The following VCP variants were observed in gnomAD, a reference collection of about 807,000 sequenced individuals.
VCP encodes the protein transitional endoplasmic reticulum ATPase.
VCP carries 6 observed loss-of-function variants against 85.7 expected under a neutral mutation model. The observed-to-expected ratio is 0.07, with a 90% confidence interval of 0.04 to 0.14. The LOEUF (loss-of-function observed/expected upper bound fraction) is 0.14, where lower values mean the gene tolerates loss of function less well. Ranked by LOEUF, VCP falls within the 10% of genes least tolerant of loss-of-function variation. The pLI is 1.00. For missense variants in VCP, 353 were observed against 1,043.4 expected, an observed-to-expected ratio of 0.34 and a Z score of 9.12; for synonymous variants, 384 against 367.1, an observed-to-expected ratio of 1.05 and a Z score of -0.53.
intron 1 of VCP, among the ~76,000 whole-genome samples, chr9:35,071,467 C>T (rs1042566517): frequency 6.6e-6 from 1 of 152,084 alleles, no homozygotes; most frequent in Admixed American, 6.5e-5. Context: ...GGAGTGCGCG[C>T]ACGTTTGTGT....
chr9:35,065,126 C>A, intron 5 of VCP, 125 bp downstream of exon 5: 1 of 1,439,670 alleles, frequency 6.9e-7, no homozygotes, highest in East Asian at 2.3e-5. Context: ...TCTCAGTCTC[C>A]CAAAGTACTG....
At chr9:35,062,831 T>C in intron 7 of VCP, 147 bp downstream of exon 7, 1 of 811,284 alleles carries the variant, frequency 1.2e-6, no homozygotes, top group South Asian at 1.4e-5. Flanking sequence ...ATTGCTCTTC[T>C]GTCTGTAACA....
intron 1 of VCP, chr9:35,071,987 A>C: frequency 9.1e-7 from 1 of 1,099,244 alleles, no homozygotes; most frequent in Admixed American, 5.5e-5. Flanking sequence ...TGGCGCCCCA[A>C]AGCCCCGGGG....
intron 15 of VCP, among the ~76,000 whole-genome samples, chr9:35,058,320 A>AG (rs1434035570): frequency 6.6e-6 from 1 of 152,246 alleles, no homozygotes; most frequent in Non-Finnish European, 1.5e-5. Flanking sequence ...GAATTAATTA[A>AG]GGGTAACACA....
chr9:35,061,501 C>T, intron 10 of VCP, 76 bp downstream of exon 10: 5 of 1,371,416 alleles, frequency 3.6e-6, no homozygotes, highest in Non-Finnish European at 5.2e-6. Flanking sequence ...CACATCTTAA[C>T]CTTATGTCTC....
At chr9:35,071,941 A>G in intron 1 of VCP, 1 of 1,045,100 alleles carries the variant, frequency 9.6e-7, no homozygotes, top group South Asian at 3.1e-5. Context: ...TCCGGGGACC[A>G]AAGGCTTTCG....
intron 15 of VCP, among the ~76,000 whole-genome samples, chr9:35,058,682 G>A (rs560211269): frequency 5.9e-5 from 9 of 152,224 alleles, no homozygotes; most frequent in African/African-American, 1.4e-4. Context: ...CAGGAGAATC[G>A]CTTGAACCTG....
Position 35,064,369 on chromosome 9 carries a change from T to C in VCP, c.577-84A>G, listed in dbSNP as rs1448987254. ...AGTTTCTCTAAATCATTCCACTACC[T>C]AGTGTGCAAAAACCTACCGTATAAG... is the stretch of plus-strand genomic sequence containing the variant. On this transcript the variant is annotated intron_variant, in intron 5 of 16. Coordinates refer to ENST00000358901, the MANE Select transcript of VCP (RefSeq NM_007126.5). 5 of 1,575,396 alleles carry C rather than the reference T, an allele frequency of 3.2e-6. No homozygotes were observed. The African/African-American group carries it at 4.0e-5, about 13-fold the overall frequency.
intron 13 of VCP, 123 bp downstream of exon 13, chr9:35,060,190 C>G: frequency 9.6e-7 from 1 of 1,044,016 alleles, no homozygotes; most frequent in Non-Finnish European, 1.4e-6. Context: ...GAAAGAAAAT[C>G]AAGTGACTTA....
intron 1 of VCP, chr9:35,071,996 G>C (rs1291482796): frequency 6.2e-6 from 7 of 1,120,512 alleles, no homozygotes; most frequent in Non-Finnish European, 7.7e-6. Context: ...AAAGCCCCGG[G>C]GCGCCGCGCC....
At chr9:35,065,226 T>C (rs556148771) in intron 5 of VCP, 25 bp downstream of exon 5, 33 of 1,613,980 alleles carry the variant, frequency 2.0e-5, no homozygotes, top group Middle Eastern at 1.7e-4. Context: ...TAAAATCGGA[T>C]ACTGGAATCA....
At chr9:35,068,149 CCA>C in intron 2 of VCP, 86 bp from the exon 3 acceptor site, 1 of 1,607,142 alleles carries the variant, frequency 6.2e-7, no homozygotes, top group Non-Finnish European at 8.5e-7. Flanking sequence ...CCAGTAAACC[CCA>C]CTCTATCTGC....
intron 6 of VCP, among the ~76,000 whole-genome samples, chr9:35,063,518 T>A (rs1828768144): frequency 6.6e-6 from 1 of 152,196 alleles, no homozygotes; most frequent in Non-Finnish European, 1.5e-5. Context: ...TTTATCACAC[T>A]GGAATGCTGT....
chr9:35,061,436 G>A, intron 10 of VCP, 141 bp downstream of exon 10: 1 of 949,690 alleles, frequency 1.1e-6, no homozygotes, highest in Non-Finnish European at 1.7e-6. Flanking sequence ...CCATTTCCTG[G>A]ATTCAATCTC....
At position 35,062,013 on chromosome 9, in the gene VCP, T is replaced by C. The variant is rs1828736572; in HGVS notation, c.1071A>G (p.Leu357=). ...TNRPNSIDPA[L]RRFGRFDREV... is the part of the protein sequence containing the mutation. ...ATCTGGAGTCCTTACCAAATCGCCG[T>C]AGAGCTGGGTCAATGCTGTTGGGTC... The change falls in exon 9 of 17, where the codon CTA becomes CTG. Residue 357 remains leucine (L), a synonymous_variant. Coordinates refer to ENST00000358901, the MANE Select transcript of VCP (RefSeq NM_007126.5). 3 of 1,614,088 alleles carry C rather than the reference T, an allele frequency of 1.9e-6. No homozygotes were observed. The highest frequency in any genetic ancestry group is 1.3e-5 in the African/African-American group (1 of 74,928).
rs1828633721 is a variant in VCP at position 35,057,489 on chromosome 9, A to G, written c.2202T>C (p.Asp734=). The G allele has an allele frequency of 1.2e-6, 2 of 1,613,234 alleles. No individual in the cohort carries two copies. Among genetic ancestry groups the G allele is most frequent in the African/African-American group, 2.7e-5 (2 of 74,948 alleles). ...EDDPVPEIRR[D]HFEEAMRFAR... The stretch of plus-strand genomic sequence containing the variant: ...CAAAGCGCATGGCTTCTTCAAAGTG[A>G]TCTCGACGGATCTCAGGCACTGGAT... Residue 734 remains aspartate (D), a synonymous_variant, in exon 16 of 17, where the codon GAT becomes GAC. Coordinates refer to ENST00000358901, the MANE Select transcript of VCP (RefSeq NM_007126.5).
In VCP at chr9:35,059,372, A is replaced by T. The variant is rs1828676361; in HGVS notation, c.2004+121T>A. 1.3e-6 allele frequency: 2 copies of T among 1,531,242 alleles called. No homozygotes were observed. The highest frequency in any genetic ancestry group is 2.7e-5 in the African/African-American group (2 of 72,916). 94.9% of individuals were successfully genotyped at this position (1,531,242 alleles called of 1,614,324 possible). ...CTAGATTATCTTGATATCCTCAAAA[A>T]TTCTACCTTCCCTTTAGACCAACCC... On this transcript the variant is annotated intron_variant, in intron 14 of 16. Coordinates refer to ENST00000358901, the MANE Select transcript of VCP (RefSeq NM_007126.5). This position sits in a 1 kb window ranked among gnomAD's most constrained non-coding sequence, Gnocchi z 4.9.
At chr9:35,060,130 CAAGA>C (rs1407349671) in intron 13 of VCP, among the ~76,000 whole-genome samples, 179 bp downstream of exon 13, 4 of 151,344 alleles carry the variant, frequency 2.6e-5, no homozygotes, top group Non-Finnish European at 4.4e-5. Flanking sequence ...GACCCTGTCT[CAAGA>C]GAGAGAGAGA....
rs1371397854 is a variant in VCP at position 35,058,962 on chromosome 9, G to A, written c.2160+102C>T. ...GCCCTATTAAAATTCTTCTCAGTTA[G>A]ATGATCTTTCCAACAGCTTCTACTC... is the stretch of plus-strand genomic sequence containing the variant. On this transcript the variant is annotated intron_variant, in intron 15 of 16. Coordinates refer to ENST00000358901, the MANE Select transcript of VCP (RefSeq NM_007126.5). 33 of 1,513,828 alleles carry A rather than the reference G, an allele frequency of 2.2e-5. 1 individual carries two copies. Among genetic ancestry groups the A allele is most frequent in the Non-Finnish European group, 3.0e-5 (33 of 1,101,302 alleles). 93.8% of individuals were successfully genotyped at this position (1,513,828 alleles called of 1,614,324 possible).
Sources: allele counts gnomAD v4.1 joint callset (sites outside exome capture counted in the v4.1 genomes callset), GRCh38; gene constraint gnomAD v4.1.1; non-coding constraint Gnocchi (gnomAD v3.1); transcripts MANE v1.5; gene names NCBI Gene and HGNC (gene_info 2026-07-23, HGNC 2026-07-21).